The following MEI4 variants were observed in gnomAD, a reference collection of about 807,000 sequenced individuals.
MEI4 encodes meiosis-specific protein MEI4.
In MEI4, 27 loss-of-function variants were observed where a neutral mutation model predicts 31.4. The ratio of observed to expected loss-of-function variants is 0.86; its 90% CI spans 0.63 to 1.19. MEI4 has a LOEUF of 1.19. Ranked by LOEUF, MEI4 falls within the 50% of genes most tolerant of loss-of-function variation. The pLI, the probability that MEI4 is intolerant of heterozygous loss-of-function variation, is 0.00. For synonymous variants in MEI4, 122 were observed against 145.4 expected (o/e 0.84, Z 1.16); for missense variants, 329 against 398.9 (o/e 0.82, Z 1.49).
chr6:77,913,002 T>C (rs1766464949), intron 4 of MEI4, among the ~76,000 whole-genome samples: 1 of 152,156 alleles, frequency 6.6e-6, no homozygotes, highest in Non-Finnish European at 1.5e-5. Flanking sequence ...ACTAGTTTAT[T>C]GAACTTTCCC....
intron 4 of MEI4, among the ~76,000 whole-genome samples, chr6:77,898,067 T>G (rs1243658034): frequency 1.3e-5 from 2 of 152,066 alleles, no homozygotes; most frequent in Non-Finnish European, 2.9e-5. Context: ...ATTTTTTGAC[T>G]CTGTTCTTGA....
chr6:77,911,845 A>C (rs1362843227), intron 4 of MEI4, among the ~76,000 whole-genome samples: 1 of 151,272 alleles, frequency 6.6e-6, no homozygotes, highest in Non-Finnish European at 1.5e-5. Flanking sequence ...ACGTGAGTGC[A>C]TTTATCTTTT....
At chr6:77,893,056 G>A (rs1766001886) in intron 4 of MEI4, among the ~76,000 whole-genome samples, 1 of 152,134 alleles carries the variant, frequency 6.6e-6, no homozygotes, top group South Asian at 2.1e-4. Context: ...CTGGCTCCAA[G>A]CCAATCCTGG....
intron 4 of MEI4, among the ~76,000 whole-genome samples, chr6:77,906,533 A>T (rs1233414264): frequency 6.6e-6 from 1 of 152,202 alleles, no homozygotes; most frequent in South Asian, 2.1e-4. Context: ...TTTAATAACA[A>T]TCACTACTAG....
chr6:77,729,064 G>T (rs751405064), intron 2 of MEI4, among the ~76,000 whole-genome samples: 2 of 152,198 alleles, frequency 1.3e-5, no homozygotes, highest in Non-Finnish European at 2.9e-5. Context: ...CCCGGAAAGG[G>T]AGCAGAGCTC....
chr6:77,758,869 C>T (rs956958280), intron 2 of MEI4, among the ~76,000 whole-genome samples: 1 of 152,136 alleles, frequency 6.6e-6, no homozygotes, highest in Non-Finnish European at 1.5e-5. Context: ...TTTATGCTTT[C>T]CTGATCTAAG....
intron 4 of MEI4, among the ~76,000 whole-genome samples, chr6:77,919,896 T>C (rs1348264130): frequency 0.01 from 1,525 of 149,248 alleles, 29 homozygotes; most frequent in African/African-American, 0.036. Flanking sequence ...CTAGAAAATC[T>C]AGAAGAAATG....
At chr6:77,716,835 G>C (rs1766591908) in intron 2 of MEI4, 1 of 978,610 alleles carries the variant, frequency 1.0e-6, no homozygotes, top group South Asian at 4.7e-5. Context: ...AATATTTTCA[G>C]AATGAGGAAA....
At chr6:77,832,862 T>G (rs1770119167) in intron 4 of MEI4, among the ~76,000 whole-genome samples, 1 of 152,140 alleles carries the variant, frequency 6.6e-6, no homozygotes, top group South Asian at 2.1e-4. Context: ...TCTCACCTAC[T>G]TTTTAGCAGG....
intron 3 of MEI4, among the ~76,000 whole-genome samples, chr6:77,828,097 C>A (rs1769997340): frequency 6.6e-6 from 1 of 152,116 alleles, no homozygotes; most frequent in African/African-American, 2.4e-5. Flanking sequence ...TGAGCACTTA[C>A]TAGGTGCCTA....
At chr6:77,741,612 T>C (rs1298313799) in intron 2 of MEI4, among the ~76,000 whole-genome samples, 1 of 152,094 alleles carries the variant, frequency 6.6e-6, no homozygotes, top group Non-Finnish European at 1.5e-5. Flanking sequence ...ATTCTGTGTG[T>C]TTTTTAATTT....
At chr6:77,915,414 G>A (rs574055651) in intron 4 of MEI4, among the ~76,000 whole-genome samples, 1 of 151,916 alleles carries the variant, frequency 6.6e-6, no homozygotes, top group Admixed American at 6.6e-5. Flanking sequence ...TGTTATTCTT[G>A]ACTGGCAGGT....
intron 1 of MEI4, among the ~76,000 whole-genome samples, chr6:77,674,123 T>G (rs1389045923): frequency 6.6e-6 from 1 of 152,152 alleles, no homozygotes; most frequent in Non-Finnish European, 1.5e-5. Flanking sequence ...CTTTCTGCAT[T>G]TTTTGGTAAC....
At chr6:77,703,909 G>T (rs1266819310) in intron 2 of MEI4, among the ~76,000 whole-genome samples, 1 of 152,190 alleles carries the variant, frequency 6.6e-6, no homozygotes, top group Non-Finnish European at 1.5e-5. Context: ...TGACTAGCAA[G>T]GGACTGTGAG....
intron 4 of MEI4, among the ~76,000 whole-genome samples, chr6:77,837,633 A>G (rs1437372316): frequency 1.3e-5 from 2 of 152,196 alleles, no homozygotes; most frequent in Admixed American, 6.5e-5. Flanking sequence ...AGTGAAACAT[A>G]TAACAATCTC....
chr6:77,751,025 A>C lies in MEI4; in HGVS notation c.233-10105A>C, dbSNP rs149053151. Reference sequence around the variant, plus strand: ...CCTGCTCCTGAATGACTACTGGGTAAATAATGAAATGAAGGCAGAAATAAA... The same window carrying C: ...CCTGCTCCTGAATGACTACTGGGTACATAATGAAATGAAGGCAGAAATAAA... On this transcript the variant is annotated intron_variant, in intron 2 of 4. Coordinates refer to ENST00000684080, the MANE Select transcript of MEI4 (RefSeq NM_001322247.2). Among the ~76,000 whole-genome samples, 214 of 152,308 alleles carry C rather than the reference A, an allele frequency of 1.4e-3. 1 individual carries two copies. Among genetic ancestry groups the C allele is most frequent in the African/African-American group, 4.5e-3 (187 of 41,574 alleles).
intron 2 of MEI4, among the ~76,000 whole-genome samples, chr6:77,697,507 C>G (rs898369539): frequency 1.3e-5 from 2 of 152,136 alleles, no homozygotes; most frequent in Admixed American, 1.3e-4. Context: ...TTTATTTCTC[C>G]CTTCATTTCG....
At chr6:77,762,470 T>C (rs1768067329) in intron 3 of MEI4, among the ~76,000 whole-genome samples, 1 of 152,162 alleles carries the variant, frequency 6.6e-6, no homozygotes, top group Admixed American at 6.6e-5. Flanking sequence ...TTTAATCCTC[T>C]TTATTTGACT....
chr6:77,876,026 T>A (rs1771326456), intron 4 of MEI4, among the ~76,000 whole-genome samples: 1 of 152,196 alleles, frequency 6.6e-6, no homozygotes, highest in Non-Finnish European at 1.5e-5. Context: ...GATAGTGGAA[T>A]TTAAAATAAA....
Sources: allele counts gnomAD v4.1 joint callset (sites outside exome capture counted in the v4.1 genomes callset), GRCh38; gene constraint gnomAD v4.1.1; transcripts MANE v1.5; gene names NCBI Gene and HGNC (gene_info 2026-07-23, HGNC 2026-07-21).